MTA3: variants seen among roughly 807,000 people sequenced by gnomAD.
MTA3 encodes metastasis associated 1 family member 3, also known as metastasis-associated protein MTA3.
A neutral mutation model predicts 83.5 loss-of-function variants in MTA3; 34 were observed. That is an observed-to-expected ratio of 0.41 (90% CI 0.31 to 0.54). The LOEUF (loss-of-function observed/expected upper bound fraction) is 0.54. MTA3 is among the 20% of genes least tolerant of loss of function. The pLI, the probability that MTA3 is intolerant of heterozygous loss-of-function variation, is 0.33. For missense variants in MTA3, 761 were observed against 726.4 expected (o/e 1.05, Z -0.55); for synonymous variants, 303 against 252.7 (o/e 1.20, Z -1.89).
intron 2 of MTA3, among the ~76,000 whole-genome samples, chr2:42,560,545 C>G (rs1157039494): frequency 1.3e-5 from 2 of 150,224 alleles, no homozygotes; most frequent in African/African-American, 4.9e-5. Flanking sequence ...GAGTGAGACT[C>G]CATCTTAAAA....
rs1670227145 is a variant in MTA3 at position 42,756,214 on chromosome 2, G to A, written c.*2815G>A. 4.8e-6 allele frequency: 1 copy of A among 207,608 alleles called. No individual in the cohort carries two copies. The highest frequency in any genetic ancestry group is 1.8e-4 in the East Asian group (1 of 5,428). 12.9% of individuals were successfully genotyped at this position (207,608 alleles called of 1,614,324 possible). On this transcript the variant is annotated 3_prime_UTR_variant, in exon 17 of 17. Transcript: ENST00000405094. The stretch of plus-strand genomic sequence containing the variant: ...ACCAGAGCCTGGGGCCAAGGCCACT[G>A]GGGGACCTGCCACACTGTGGACCTG...
Position 42,729,624 on chromosome 2 carries a change from G to A in MTA3, c.1759+6589G>A, listed in dbSNP as rs527500602. Among the ~76,000 whole-genome samples, 4 of 152,130 alleles carry A rather than the reference G, an allele frequency of 2.6e-5. No individual in the cohort carries two copies. The South Asian group carries it at 8.3e-4, about 32-fold the overall frequency. ...TGTAGATGTATAGATTTGTTTCTGG[G>A]TTCTCCATTCTGTTCCATTGGTCTG... On this transcript the variant is annotated intron_variant, in intron 16 of 16. Transcript: ENST00000405094.
chr2:42,712,575 A>G (rs773224715), intron 14 of MTA3, among the ~76,000 whole-genome samples: 3 of 152,204 alleles, frequency 2.0e-5, no homozygotes, highest in Non-Finnish European at 4.4e-5. Flanking sequence ...ATCCATGCCA[A>G]AAGTTACTAA....
At chr2:42,685,019 G>T (rs920800731) in intron 9 of MTA3, among the ~76,000 whole-genome samples, 1 of 152,090 alleles carries the variant, frequency 6.6e-6, no homozygotes, top group African/African-American at 2.4e-5. Context: ...ATTTTAGCTG[G>T]GTCTCTAATA....
intron 8 of MTA3, among the ~76,000 whole-genome samples, chr2:42,667,832 G>C (rs1197604552): frequency 6.6e-6 from 1 of 152,088 alleles, no homozygotes; most frequent in African/African-American, 2.4e-5. Context: ...AATACATTGT[G>C]TGTATATACC....
At chr2:42,729,305 G>C (rs1668085833) in intron 16 of MTA3, among the ~76,000 whole-genome samples, 2 of 151,732 alleles carry the variant, frequency 1.3e-5, no homozygotes, top group Non-Finnish European at 2.9e-5. Flanking sequence ...GTTTCACCGT[G>C]TTAGCCAGGA....
chr2:42,739,929 C>T (rs7599459), intron 16 of MTA3, among the ~76,000 whole-genome samples: 2,381 of 152,318 alleles, frequency 0.016, 62 homozygotes, highest in African/African-American at 0.055. Context: ...TTCCACTTCT[C>T]ATTCTAATTC....
chr2:42,633,134 A>G (rs978907500), intron 4 of MTA3, among the ~76,000 whole-genome samples: 25 of 152,084 alleles, frequency 1.6e-4, no homozygotes, highest in African/African-American at 6.0e-4. Context: ...ATGGGGGTGC[A>G]TGCCTGTAGT....
At chr2:42,677,676 A>C (rs781718685) in intron 8 of MTA3, among the ~76,000 whole-genome samples, 1 of 152,110 alleles carries the variant, frequency 6.6e-6, no homozygotes, top group Non-Finnish European at 1.5e-5. Context: ...TTCCCTGCAC[A>C]ACCTCTTGCT....
Position 42,718,974 on chromosome 2 carries a change from C to G in MTA3, c.1526-14C>G, listed in dbSNP as rs550628043. 6.5e-7 allele frequency: 1 copy of G among 1,541,816 alleles called. No homozygotes were observed. The highest frequency in any genetic ancestry group is 1.4e-5 in the African/African-American group (1 of 72,902). On this transcript the variant is annotated splice_polypyrimidine_tract_variant and intron_variant, in intron 14 of 16. Transcript: ENST00000405094. ...CATTTCATTGGTTATCTCCATGTTT[C>G]TTTCTCTCCTCAGATGCAGACAGAC...
chr2:42,530,734 G>A (rs190382616), intron 2 of MTA3, among the ~76,000 whole-genome samples: 1 of 151,774 alleles, frequency 6.6e-6, no homozygotes, highest in Admixed American at 6.6e-5. Flanking sequence ...GCGGTGAGCC[G>A]AGATCACACC....
intron 4 of MTA3, among the ~76,000 whole-genome samples, chr2:42,609,902 C>T (rs1683976784): frequency 6.6e-6 from 1 of 152,112 alleles, no homozygotes. Flanking sequence ...AATTCGAGAC[C>T]AGCCTGGCCA....
intron 4 of MTA3, among the ~76,000 whole-genome samples, chr2:42,626,416 G>A (rs1205935454): frequency 1.3e-5 from 2 of 151,508 alleles, no homozygotes; most frequent in African/African-American, 2.4e-5. Flanking sequence ...TCCTGCCTCC[G>A]CCTCCAGGGT....
intron 3 of MTA3, among the ~76,000 whole-genome samples, chr2:42,605,826 T>G: frequency 7.7e-6 from 1 of 129,666 alleles, no homozygotes; most frequent in African/African-American, 3.0e-5. Context: ...ACGGGGCGGC[T>G]GGCCGGGTGG....
chr2:42,710,318 C>T (rs1553392793), intron 14 of MTA3, among the ~76,000 whole-genome samples: 1 of 151,866 alleles, frequency 6.6e-6, no homozygotes, highest in South Asian at 2.1e-4. Flanking sequence ...TTTGGGAGGC[C>T]GAGGTGGGTG....
At chr2:42,636,095 C>T (rs1387749970) in intron 4 of MTA3, among the ~76,000 whole-genome samples, 1 of 151,994 alleles carries the variant, frequency 6.6e-6, no homozygotes, top group Non-Finnish European at 1.5e-5. Flanking sequence ...GTTTAGTGAA[C>T]TTAAAAAAGT....
At chr2:42,709,213 A>T in intron 14 of MTA3, 117 bp downstream of exon 14, 1 of 1,453,972 alleles carries the variant, frequency 6.9e-7, no homozygotes, top group Non-Finnish European at 9.0e-7. Flanking sequence ...TCTTGTGTAC[A>T]GCCTTTTATT....
intron 16 of MTA3, among the ~76,000 whole-genome samples, chr2:42,734,448 TGTAGGCAACAGATCACGGGGCC>T: frequency 6.7e-6 from 1 of 149,144 alleles, no homozygotes. Flanking sequence ...GCGTGTTTCT[TGTAGGCAACAGATCACGGGGCC>T]TTTTTTTTTT....
intron 2 of MTA3, among the ~76,000 whole-genome samples, chr2:42,577,085 TC>T (rs1405654284): frequency 2.6e-3 from 43 of 16,420 alleles, no homozygotes; most frequent in Admixed American, 3.2e-3. Flanking sequence ...AGAATGGTAC[TC>T]CATCTAAAAA....
Sources: gnomAD v4.1 joint callset for allele counts (sites outside exome capture counted in the v4.1 genomes callset) on GRCh38, gnomAD v4.1.1 for gene constraint, MANE v1.5 for transcripts, NCBI Gene and HGNC (gene_info 2026-07-23, HGNC 2026-07-21) for gene names.